HKDC1: variants seen among roughly 807,000 people sequenced by gnomAD.
HKDC1 encodes hexokinase domain containing 1.
In HKDC1, 66 loss-of-function variants were observed where a neutral mutation model predicts 96.6. The observed-to-expected ratio is 0.68, with a 90% confidence interval of 0.56 to 0.84. The LOEUF (loss-of-function observed/expected upper bound fraction) is 0.84. Ranked by LOEUF, HKDC1 falls within the 40% of genes least tolerant of loss-of-function variation. The probability of loss-of-function intolerance (pLI) is 0.00; values close to 1 mark genes in which losing one functional copy is unlikely to be tolerated. For synonymous variants in HKDC1, 466 were observed against 473.1 expected (o/e 0.98, Z 0.20); for missense variants, 1,211 against 1,208.1 (o/e 1.00, Z -0.04).
Position 69,265,690 on chromosome 10 carries a change from C to G in HKDC1, c.2478C>G (p.Ser826=). 1 of 1,613,496 alleles carries G rather than the reference C, an allele frequency of 6.2e-7. No individual in the cohort carries two copies. Among genetic ancestry groups the G allele is most frequent in the Non-Finnish European group, 8.5e-7 (1 of 1,179,840 alleles). ...IVVKEVCGAV[S]RRAAQLCGAG... is the part of the protein sequence containing the mutation. Reference sequence around the variant, plus strand: ...TGAAGGAGGTGTGCGGAGCCGTGTCCCGGCGGGCGGCCCAGCTCTGCGGTG... The same window carrying G: ...TGAAGGAGGTGTGCGGAGCCGTGTCGCGGCGGGCGGCCCAGCTCTGCGGTG... Residue 826 remains serine, a synonymous_variant, in exon 17 of 18, where the codon TCC becomes TCG. Coordinates refer to ENST00000354624, the MANE Select transcript of HKDC1 (RefSeq NM_025130.4).
chr10:69,223,830 G>A (rs1404252329), intron 1 of HKDC1, among the ~76,000 whole-genome samples: 3 of 150,312 alleles, frequency 2.0e-5, no homozygotes, highest in Admixed American at 6.6e-5. Context: ...GGATCCGCCC[G>A]CCTCGGCCTC....
At chr10:69,265,855 G>A (rs1255005416) in intron 17 of HKDC1, 37 bp downstream of exon 17, 1 of 1,486,978 alleles carries the variant, frequency 6.7e-7, no homozygotes, top group East Asian at 2.3e-5. Context: ...GTGGGGCTGG[G>A]GAGGGCTGGC....
intron 1 of HKDC1, among the ~76,000 whole-genome samples, chr10:69,225,195 T>C (rs1424013458): frequency 6.6e-6 from 1 of 152,228 alleles, no homozygotes; most frequent in Non-Finnish European, 1.5e-5. Flanking sequence ...AGGGATAACA[T>C]TGTGTGGATG....
intron 7 of HKDC1, among the ~76,000 whole-genome samples, chr10:69,243,856 A>G (rs1472814): frequency 0.18 from 27,275 of 152,232 alleles, 3,286 homozygotes; most frequent in Non-Finnish European, 0.26. Context: ...CAAATGAGGA[A>G]ATAGAAGCCA....
rs34401681 is a variant in HKDC1 at position 69,264,197 on chromosome 10, C to CTGTGTGTGTGTG, written c.2373-1354_2373-1343dup. On this transcript the variant is annotated intron_variant, in intron 16 of 17. Transcript: ENST00000354624. ...TCCCAATGTCTGAATAGATTTCCTT[C>CTGTGTGTGTGTG]TGTGTGTGTGTGTGTGTGTGTGTGT... Among the ~76,000 whole-genome samples the CTGTGTGTGTGTG allele has an allele frequency of 4.3e-5, 6 of 139,542 alleles. No homozygotes were observed. In the South Asian group the frequency reaches 7.0e-4, roughly 16 times the overall value. 91.5% of individuals were successfully genotyped at this position (139,542 alleles called of 152,430 possible).
Position 69,266,729 on chromosome 10 carries a change from G to A in HKDC1, c.2726G>A (p.Arg909Lys). The change falls in exon 18 of 18, where the codon AGG (arginine) becomes AAG (lysine). Residue 909 changes from arginine to lysine, a missense_variant. By Grantham distance (26) the Arg-to-Lys change is conservative. Transcript: ENST00000354624. ...GAALITAVAK[R>K]LQQAQKEN The stretch of plus-strand genomic sequence containing the variant: ...GCACTGATCACTGCTGTGGCCAAGA[G>A]GTTACAGCAGGCACAGAAGGAGAAC... 2 of 1,613,624 alleles carry A rather than the reference G, an allele frequency of 1.2e-6. No individual in the cohort carries two copies. Among genetic ancestry groups the A allele is most frequent in the East Asian group, 2.2e-5 (1 of 44,864 alleles).
chr10:69,241,467 T>A (rs1564729984), intron 6 of HKDC1, among the ~76,000 whole-genome samples: 1 of 152,160 alleles, frequency 6.6e-6, no homozygotes, highest in Non-Finnish European at 1.5e-5. Context: ...GGGGGATGGA[T>A]AAATGGATGC....
intron 6 of HKDC1, among the ~76,000 whole-genome samples, chr10:69,242,759 A>G (rs1843473534): frequency 1.3e-5 from 2 of 152,228 alleles, no homozygotes; most frequent in South Asian, 4.1e-4. Context: ...GTGGCAGGCC[A>G]TAAGTAAAGA....
At chr10:69,253,422 G>A (rs1843674531) in intron 12 of HKDC1, among the ~76,000 whole-genome samples, 1 of 152,212 alleles carries the variant, frequency 6.6e-6, no homozygotes, top group South Asian at 2.1e-4. Context: ...ACACAGAGAG[G>A]CCCAGTGTCC....
intron 14 of HKDC1, 82 bp downstream of exon 14, chr10:69,257,508 A>G: frequency 1.8e-6 from 2 of 1,095,496 alleles, no homozygotes; most frequent in Non-Finnish European, 1.4e-6. Flanking sequence ...GAGGGTGGGC[A>G]TTGTTCCATT....
Position 69,227,259 on chromosome 10 carries a change from T to A in HKDC1, c.116T>A (p.Ile39Asn). The stretch of plus-strand genomic sequence containing the variant: ...CTCTCCGATGACACCCTTTTGGACA[T>A]CATGAGGCGGTTCCGGGCTGAGATG... The part of the protein sequence containing the change: ...MRLSDDTLLD[I>N]MRRFRAEMEK... Residue 39 changes from isoleucine to asparagine, a missense_variant, in exon 2 of 18, where the codon ATC becomes AAC. Physicochemically the swap from Ile to Asn is moderately radical, Grantham distance 149. Coordinates refer to ENST00000354624, the MANE Select transcript of HKDC1 (RefSeq NM_025130.4). The A allele has an allele frequency of 6.2e-7, 1 of 1,614,102 alleles. No homozygotes were observed. The highest frequency in any genetic ancestry group is 8.5e-7 in the Non-Finnish European group (1 of 1,180,010).
At chr10:69,242,429 GAAAAAAAAA>G (rs5785904) in intron 6 of HKDC1, among the ~76,000 whole-genome samples, 4 of 115,360 alleles carry the variant, frequency 3.5e-5, no homozygotes, top group African/African-American at 1.3e-4. Context: ...AGATACTGAA[GAAAAAAAAA>G]AAAAAAAAAA....
At position 69,261,123 on chromosome 10, in the gene HKDC1, C is replaced by T; in HGVS notation, c.2217-16C>T. ...ATTGCAGGTCTGCCCCAACCTTATCCTTCTTCTCCAAACAGATACGAGAAA... is the reference window on the plus strand; with the variant it reads ...ATTGCAGGTCTGCCCCAACCTTATCTTTCTTCTCCAAACAGATACGAGAAA... On this transcript the variant is annotated splice_polypyrimidine_tract_variant and intron_variant, in intron 15 of 17. Transcript: ENST00000354624. The T allele has an allele frequency of 6.2e-7, 1 of 1,608,646 alleles. No homozygotes were observed. Among genetic ancestry groups the T allele is most frequent in the South Asian group, 1.1e-5 (1 of 90,986 alleles).
chr10:69,250,376 C>A lies in HKDC1; in HGVS notation c.1657C>A (p.Arg553=). Residue 553 remains arginine, a synonymous_variant, in exon 11 of 18, where the codon CGA becomes AGA. Coordinates refer to ENST00000354624, the MANE Select transcript of HKDC1 (RefSeq NM_025130.4). ...GATCAGAAGTGGACGGAGGTCAGTG[C>A]GAATGTACAACAAGATCTTCGCCAT... ...VKIRSGRRSV[R]MYNKIFAIPL... The A allele has an allele frequency of 1.2e-6, 2 of 1,614,060 alleles. No homozygotes were observed. Among genetic ancestry groups the A allele is most frequent in the South Asian group, 1.1e-5 (1 of 91,072 alleles).
At chr10:69,228,822 C>A (rs111594063) in intron 2 of HKDC1, among the ~76,000 whole-genome samples, 3 of 150,644 alleles carry the variant, frequency 2.0e-5, no homozygotes, top group Non-Finnish European at 4.4e-5. Context: ...GCCGAGATTG[C>A]GCCACTGCAC....
At chr10:69,227,654 T>A (rs187322867) in intron 2 of HKDC1, among the ~76,000 whole-genome samples, 1 of 152,302 alleles carries the variant, frequency 6.6e-6, no homozygotes, top group East Asian at 1.9e-4. Context: ...CAACGTGGCT[T>A]TTCCGTCTCA....
At chr10:69,248,011 G>C (rs10998673) in intron 9 of HKDC1, among the ~76,000 whole-genome samples, 4,380 of 152,262 alleles carry the variant, frequency 0.029, 84 homozygotes, top group Non-Finnish European at 0.047. Flanking sequence ...TTATGGGAAG[G>C]GTCCTGGTAG....
intron 15 of HKDC1, among the ~76,000 whole-genome samples, chr10:69,259,579 C>T (rs770409467): frequency 1.2e-4 from 18 of 152,168 alleles, no homozygotes; most frequent in Non-Finnish European, 2.2e-4. Flanking sequence ...TCCATTCTCC[C>T]GTTGCTGTAA....
At position 69,250,274 on chromosome 10, in the gene HKDC1, G is replaced by A. The variant is rs1843617909; in HGVS notation, c.1571-16G>A. The A allele has an allele frequency of 6.2e-7, 1 of 1,608,652 alleles. No individual in the cohort carries two copies. The highest frequency in any genetic ancestry group is 1.7e-5 in the Admixed American group (1 of 59,582). ...GTCCCTGTCATGGAATGCAGCTGCT[G>A]CTTTCTCCATCACAGAGAAAGGAAA... On this transcript the variant is annotated splice_polypyrimidine_tract_variant and intron_variant, in intron 10 of 17. Coordinates refer to ENST00000354624, the MANE Select transcript of HKDC1 (RefSeq NM_025130.4).
Sources: gnomAD v4.1 joint callset for allele counts (sites outside exome capture counted in the v4.1 genomes callset) on GRCh38, gnomAD v4.1.1 for gene constraint, MANE v1.5 for transcripts, NCBI Gene and HGNC (gene_info 2026-07-23, HGNC 2026-07-21) for gene names.